Variants in ABTB3 observed in about 807,000 individuals in gnomAD.
The protein encoded by ABTB3 is ankyrin repeat and BTB domain containing 3.
At chr12:107,399,794 C>T in the ABTB3 span, among the ~76,000 whole-genome samples, 1 of 152,146 alleles carries the variant, frequency 6.6e-6, no homozygotes, top group Admixed American at 6.5e-5. Context: ...AGGTTTTAAG[C>T]CCCACATGCA....
the ABTB3 span, among the ~76,000 whole-genome samples, chr12:107,412,831 A>G: frequency 7.9e-5 from 12 of 152,068 alleles, no homozygotes; most frequent in African/African-American, 2.9e-4. Flanking sequence ...ACCTCATTTG[A>G]TAGCCCCCAA....
the ABTB3 span, among the ~76,000 whole-genome samples, chr12:107,544,304 G>A: frequency 0.15 from 22,890 of 152,148 alleles, 2,035 homozygotes; most frequent in East Asian, 0.25. Context: ...TCTTAGACCC[G>A]TGTGGGGGTC....
the ABTB3 span, among the ~76,000 whole-genome samples, chr12:107,432,992 G>C: frequency 6.6e-5 from 10 of 152,108 alleles, no homozygotes; most frequent in Admixed American, 5.2e-4. Flanking sequence ...ACACATTCAA[G>C]ACAAGAAGAG....
the ABTB3 span, among the ~76,000 whole-genome samples, chr12:107,456,028 A>G: frequency 6.6e-6 from 1 of 152,234 alleles, no homozygotes; most frequent in African/African-American, 2.4e-5. Flanking sequence ...GGCGCTTGCA[A>G]AGAATGTGGA....
At chr12:107,420,258 C>T in the ABTB3 span, among the ~76,000 whole-genome samples, 1 of 152,160 alleles carries the variant, frequency 6.6e-6, no homozygotes, top group Non-Finnish European at 1.5e-5. Context: ...CTCCTAAACC[C>T]TTCTGCATTC....
chr12:107,524,784 A>G, the ABTB3 span, among the ~76,000 whole-genome samples: 2 of 152,216 alleles, frequency 1.3e-5, no homozygotes, highest in Non-Finnish European at 2.9e-5. Context: ...AGTCCAGAAG[A>G]TATTTCCACT....
chr12:107,469,863 TTCTTTTC>T, the ABTB3 span, among the ~76,000 whole-genome samples: 29 of 141,320 alleles, frequency 2.1e-4, no homozygotes, highest in African/African-American at 6.1e-4. Flanking sequence ...CTTTCTTTCT[TTCTTTTC>T]TTTCTTTCTT....
the ABTB3 span, among the ~76,000 whole-genome samples, chr12:107,613,037 C>G: frequency 6.6e-6 from 1 of 152,212 alleles, no homozygotes; most frequent in African/African-American, 2.4e-5. Flanking sequence ...GACCACCTGA[C>G]AGATTTTGTC....
At chr12:107,408,543 C>G in the ABTB3 span, among the ~76,000 whole-genome samples, 4 of 152,158 alleles carry the variant, frequency 2.6e-5, no homozygotes, top group African/African-American at 4.8e-5. Context: ...TTATTAAGCA[C>G]TTAGTATCAG....
chr12:107,602,248 CT>C, the ABTB3 span, among the ~76,000 whole-genome samples: 1 of 152,234 alleles, frequency 6.6e-6, no homozygotes, highest in Non-Finnish European at 1.5e-5. Context: ...GGATGGCAGC[CT>C]TCCTGGGGGC....
the ABTB3 span, among the ~76,000 whole-genome samples, chr12:107,334,729 T>G: frequency 1.8e-4 from 28 of 151,918 alleles, no homozygotes; most frequent in African/African-American, 6.8e-4. Flanking sequence ...GGAGTGAGTA[T>G]AGAAGGGACA....
At chr12:107,427,876 G>A in the ABTB3 span, among the ~76,000 whole-genome samples, 14 of 152,328 alleles carry the variant, frequency 9.2e-5, 1 homozygote, top group South Asian at 2.1e-3. Flanking sequence ...GAGCTCATGT[G>A]TTCCCTGGAT....
the ABTB3 span, among the ~76,000 whole-genome samples, chr12:107,335,675 G>A: frequency 2.4e-4 from 37 of 152,284 alleles, no homozygotes; most frequent in African/African-American, 7.9e-4. Context: ...GACTACCCAC[G>A]GAGCTGGGAT....
the ABTB3 span, among the ~76,000 whole-genome samples, chr12:107,464,926 C>T: frequency 6.6e-6 from 1 of 151,100 alleles, no homozygotes; most frequent in Non-Finnish European, 1.5e-5. Flanking sequence ...CATCCTACAG[C>T]CCACAGGACA....
the ABTB3 span, among the ~76,000 whole-genome samples, chr12:107,451,851 T>C: frequency 6.6e-6 from 1 of 152,196 alleles, no homozygotes; most frequent in African/African-American, 2.4e-5. Context: ...CTAACAGGTG[T>C]TGAGTGTTGT....
At chr12:107,582,339 A>G in the ABTB3 span, among the ~76,000 whole-genome samples, 8 of 152,226 alleles carry the variant, frequency 5.3e-5, no homozygotes, top group African/African-American at 9.6e-5. Flanking sequence ...AAAGGTAAGG[A>G]AACTGAGGCA....
chr12:107,514,611 A>G, the ABTB3 span, among the ~76,000 whole-genome samples: 1 of 152,186 alleles, frequency 6.6e-6, no homozygotes, highest in African/African-American at 2.4e-5. Context: ...ACACTAAAAC[A>G]TGATGCTAGG....
chr12:107,548,685 C>T, the ABTB3 span, among the ~76,000 whole-genome samples: 683 of 152,120 alleles, frequency 4.5e-3, 7 homozygotes, highest in African/African-American at 0.015. Context: ...ATAATATTTA[C>T]GATTAGGTGA....
the ABTB3 span, among the ~76,000 whole-genome samples, chr12:107,506,925 AG>A: frequency 6.6e-6 from 1 of 152,238 alleles, no homozygotes; most frequent in African/African-American, 2.4e-5. Context: ...ATTAGGTCCA[AG>A]GAGAGGAAAA....
Sources: allele counts gnomAD v4.1 joint callset (sites outside exome capture counted in the v4.1 genomes callset), GRCh38; gene constraint gnomAD v4.1.1; transcripts MANE v1.5; gene names NCBI Gene and HGNC (gene_info 2026-07-23, HGNC 2026-07-21).